The following CSMD1 variants were observed in gnomAD, a reference collection of about 807,000 sequenced individuals.
CSMD1 encodes the protein CUB and Sushi multiple domains 1, also known as CUB and sushi domain-containing protein 1.
A neutral mutation model predicts 417.5 loss-of-function variants in CSMD1; 213 were observed. The ratio of observed to expected loss-of-function variants is 0.51; its 90% CI spans 0.46 to 0.57. The LOEUF (loss-of-function observed/expected upper bound fraction) is 0.57. Among genes scored for constraint, CSMD1 ranks in the 20% least tolerant of loss-of-function variants. CSMD1 has a pLI of 0.00. For missense variants in CSMD1, 6,923 were observed against 4,529.7 expected (o/e 1.53, Z -15.17); for synonymous variants, 2,862 against 1,736.8 (o/e 1.65, Z -16.11).
At chr8:4,123,622 C>A (rs1802605307) in intron 3 of CSMD1, among the ~76,000 whole-genome samples, 1 of 151,976 alleles carries the variant, frequency 6.6e-6, no homozygotes, top group East Asian at 1.9e-4. Context: ...AGTCATTTTT[C>A]CTTTGATGAT....
Position 3,106,565 on chromosome 8 carries a change from G to A in CSMD1, c.6912C>T (p.Ser2304=). Residue 2304 remains serine (S), a synonymous_variant, in exon 46 of 70, where the codon TCC becomes TCT. Transcript: ENST00000635120. ...GGAGAGAACCCTCAAACTGCAACTG[G>A]GAACTGAGCTTGCAAGTCAGAATGT... ...GTDILTCKLS[S]QLQFEGSLPT... is the part of the protein sequence containing the mutation. The A allele has an allele frequency of 6.2e-7, 1 of 1,613,810 alleles. No individual in the cohort carries two copies. The highest frequency in any genetic ancestry group is 8.5e-7 in the Non-Finnish European group (1 of 1,179,772).
chr8:4,817,034 C>A (rs536066001), intron 1 of CSMD1, among the ~76,000 whole-genome samples: 2 of 152,068 alleles, frequency 1.3e-5, no homozygotes, highest in Non-Finnish European at 2.9e-5. Context: ...CAGGGAAATG[C>A]GTGTTAAGAT....
At chr8:4,123,322 T>C (rs572307656) in intron 3 of CSMD1, among the ~76,000 whole-genome samples, 2 of 152,336 alleles carry the variant, frequency 1.3e-5, no homozygotes, top group African/African-American at 2.4e-5. Flanking sequence ...CTGGAGCAGA[T>C]GCATGCCAAT....
intron 41 of CSMD1, among the ~76,000 whole-genome samples, chr8:3,134,733 T>C (rs1817983616): frequency 1.3e-5 from 2 of 152,300 alleles, no homozygotes; most frequent in Middle Eastern, 3.4e-3. Context: ...CTGACACTAC[T>C]ACTTTGGTGT....
chr8:4,014,866 A>G (rs1051749090), intron 4 of CSMD1, among the ~76,000 whole-genome samples: 1 of 152,288 alleles, frequency 6.6e-6, no homozygotes, highest in South Asian at 2.1e-4. Context: ...AAATACTACA[A>G]AGTAACCCAC....
chr8:4,935,362 G>A (rs1263893314), intron 1 of CSMD1, among the ~76,000 whole-genome samples: 1 of 152,140 alleles, frequency 6.6e-6, no homozygotes, highest in Non-Finnish European at 1.5e-5. Flanking sequence ...CGCCCTGTGT[G>A]TATCCTTACC....
chr8:4,002,563 A>T, intron 4 of CSMD1, among the ~76,000 whole-genome samples: 1 of 152,178 alleles, frequency 6.6e-6, no homozygotes, highest in East Asian at 1.9e-4. Flanking sequence ...TTAATTACTT[A>T]ATTTTTGATA....
At chr8:4,029,059 G>T (rs981280295) in intron 4 of CSMD1, among the ~76,000 whole-genome samples, 2 of 152,184 alleles carry the variant, frequency 1.3e-5, no homozygotes, top group African/African-American at 4.8e-5. Flanking sequence ...TGAGAAGACT[G>T]ACAGTGTTGA....
chr8:4,688,357 C>A (rs1342932490), intron 1 of CSMD1, among the ~76,000 whole-genome samples: 1 of 152,106 alleles, frequency 6.6e-6, no homozygotes. Context: ...GCTGTAAGTG[C>A]CCAAAATAAT....
chr8:4,043,794 T>C (rs1428090695), intron 3 of CSMD1, among the ~76,000 whole-genome samples: 1 of 152,206 alleles, frequency 6.6e-6, no homozygotes, highest in Non-Finnish European at 1.5e-5. Flanking sequence ...ATATATGGTA[T>C]TTCAAACCTT....
At chr8:3,326,327 C>G (rs1806528855) in intron 23 of CSMD1, among the ~76,000 whole-genome samples, 1 of 152,180 alleles carries the variant, frequency 6.6e-6, no homozygotes, top group South Asian at 2.1e-4. Context: ...GTGTCACTGT[C>G]TTTTCTTACA....
chr8:3,248,962 C>A (rs144450375), intron 26 of CSMD1, among the ~76,000 whole-genome samples: 2 of 152,216 alleles, frequency 1.3e-5, no homozygotes, highest in South Asian at 4.2e-4. Context: ...CACTCCACCT[C>A]GGTCTGCTTT....
chr8:4,806,757 C>T (rs1798611262), intron 1 of CSMD1, among the ~76,000 whole-genome samples: 1 of 152,146 alleles, frequency 6.6e-6, no homozygotes, highest in Non-Finnish European at 1.5e-5. Flanking sequence ...TTGAAAACCA[C>T]CCATTTGATC....
chr8:4,190,774 T>C (rs1798979000), intron 3 of CSMD1, among the ~76,000 whole-genome samples: 1 of 152,110 alleles, frequency 6.6e-6, no homozygotes, highest in African/African-American at 2.4e-5. Flanking sequence ...GCGGCCATTA[T>C]AAAATGAGAG....
chr8:3,512,699 C>A (rs1477589584), intron 10 of CSMD1, among the ~76,000 whole-genome samples: 1 of 151,504 alleles, frequency 6.6e-6, no homozygotes, highest in South Asian at 2.1e-4. Context: ...ACCTCTGCCT[C>A]CTGGGTTCAA....
chr8:4,422,155 C>G lies in CSMD1; in HGVS notation c.303-2090G>C, dbSNP rs1274367826. Among the ~76,000 whole-genome samples, 3 of 152,182 alleles carry G rather than the reference C, an allele frequency of 2.0e-5. No homozygotes were observed. In the East Asian group the frequency reaches 5.8e-4, roughly 29 times the overall value. ...AAAACTTTCCCCAAATTTCCAGTTC[C>G]AAATGTTCCCACTGGAGAATTCTAC... On this transcript the variant is annotated intron_variant, in intron 2 of 69. Transcript: ENST00000635120.
At chr8:3,535,878 T>C (rs1279247783) in intron 10 of CSMD1, among the ~76,000 whole-genome samples, 2 of 152,166 alleles carry the variant, frequency 1.3e-5, no homozygotes, top group Non-Finnish European at 2.9e-5. Context: ...GGTAGAACTC[T>C]AGGCTGGCCA....
intron 26 of CSMD1, among the ~76,000 whole-genome samples, chr8:3,251,590 A>G (rs184697486): frequency 1.3e-5 from 2 of 152,070 alleles, no homozygotes; most frequent in Non-Finnish European, 2.9e-5. Context: ...GTTTTTTCCA[A>G]TTCTGTGAAG....
intron 2 of CSMD1, among the ~76,000 whole-genome samples, chr8:4,620,892 G>A (rs745543248): frequency 6.6e-6 from 1 of 151,416 alleles, no homozygotes; most frequent in African/African-American, 2.4e-5. Flanking sequence ...GAGAAAAATT[G>A]AGTAAAGTAA....
Sources: allele counts gnomAD v4.1 joint callset (sites outside exome capture counted in the v4.1 genomes callset), GRCh38; gene constraint gnomAD v4.1.1; transcripts MANE v1.5; gene names NCBI Gene and HGNC (gene_info 2026-07-23, HGNC 2026-07-21).